The following NCAM2 variants were observed in gnomAD, a reference collection of about 807,000 sequenced individuals.
NCAM2 encodes neural cell adhesion molecule 2, also known as N-CAM-2.
In NCAM2, 30 loss-of-function variants were observed where a neutral mutation model predicts 98.1. That is an observed-to-expected ratio of 0.31 (90% CI 0.23 to 0.41). The LOEUF is 0.41. Ranked by LOEUF, NCAM2 falls within the 10% of genes least tolerant of loss-of-function variation. The pLI is 1.00. For missense variants in NCAM2, 867 were observed against 1,005.8 expected, an observed-to-expected ratio of 0.86 and a Z score of 1.87; for synonymous variants, 368 against 342.4, an observed-to-expected ratio of 1.07 and a Z score of -0.83.
intron 16 of NCAM2, among the ~76,000 whole-genome samples, chr21:21,522,851 G>A (rs1208559887): frequency 6.6e-6 from 1 of 151,756 alleles, no homozygotes; most frequent in Non-Finnish European, 1.5e-5. Context: ...AGGCGTGTCT[G>A]AAACTCCTGA....
intron 1 of NCAM2, among the ~76,000 whole-genome samples, chr21:21,063,192 A>G (rs1039424037): frequency 9.6e-4 from 129 of 134,388 alleles, no homozygotes; most frequent in African/African-American, 3.4e-3. Flanking sequence ...AAGTCATAGC[A>G]CTGTTTATCT....
chr21:21,025,785 C>T (rs1418479786), intron 1 of NCAM2, among the ~76,000 whole-genome samples: 1 of 152,172 alleles, frequency 6.6e-6, no homozygotes, highest in South Asian at 2.1e-4. Flanking sequence ...ACTGGCTATA[C>T]ATACTGGAGC....
chr21:21,530,313 T>C (rs941984743), intron 16 of NCAM2, among the ~76,000 whole-genome samples: 1 of 118,792 alleles, frequency 8.4e-6, no homozygotes, highest in African/African-American at 3.0e-5. Context: ...TTAAATTATA[T>C]ATAATTAAAT....
intron 15 of NCAM2, among the ~76,000 whole-genome samples, chr21:21,492,703 A>C (rs1436757124): frequency 6.6e-6 from 1 of 151,910 alleles, no homozygotes; most frequent in Non-Finnish European, 1.5e-5. Flanking sequence ...TTAAGAATTC[A>C]AAGTAAATAG....
At chr21:21,376,141 T>C (rs1390365054) in intron 9 of NCAM2, among the ~76,000 whole-genome samples, 4 of 151,792 alleles carry the variant, frequency 2.6e-5, no homozygotes, top group African/African-American at 9.7e-5. Context: ...GAAGAGACTG[T>C]TGGGACCTAT....
At position 21,034,517 on chromosome 21, in the gene NCAM2, A is replaced by G. The variant is rs545960364; in HGVS notation, c.55+35899A>G. ...TGTAGTGATTTCCACAGAGGTTTAC[A>G]TCAAGGTGTCTTCCTTCAGTTTGTA... On this transcript the variant is annotated intron_variant, in intron 1 of 17. Coordinates refer to ENST00000400546, the MANE Select transcript of NCAM2 (RefSeq NM_004540.5). Among the ~76,000 whole-genome samples, 106 of 152,314 alleles carry G rather than the reference A, an allele frequency of 7.0e-4. 3 individuals carry two copies. In the South Asian group the frequency reaches 0.021, roughly 31 times the overall value.
chr21:21,414,403 A>C (rs1317891936), intron 10 of NCAM2, among the ~76,000 whole-genome samples: 1 of 151,704 alleles, frequency 6.6e-6, no homozygotes, highest in African/African-American at 2.4e-5. Flanking sequence ...CTTTTCCCAG[A>C]TCCGTCAGAG....
intron 1 of NCAM2, among the ~76,000 whole-genome samples, chr21:21,029,067 T>A (rs781768478): frequency 6.6e-6 from 1 of 152,134 alleles, no homozygotes; most frequent in Non-Finnish European, 1.5e-5. Context: ...ATGAGTAACA[T>A]GTTTTAGTGT....
chr21:21,401,330 G>C (rs567669770), intron 9 of NCAM2, among the ~76,000 whole-genome samples: 1 of 152,228 alleles, frequency 6.6e-6, no homozygotes, highest in Non-Finnish European at 1.5e-5. Context: ...GAGAACATTT[G>C]AAATGTACTG....
At chr21:21,430,270 C>A (rs746766211) in intron 11 of NCAM2, among the ~76,000 whole-genome samples, 1 of 151,680 alleles carries the variant, frequency 6.6e-6, no homozygotes, top group East Asian at 1.9e-4. Context: ...TCAAGTAATC[C>A]GCCCACCTCA....
At chr21:21,196,667 T>C (rs1446170320) in intron 1 of NCAM2, among the ~76,000 whole-genome samples, 1 of 152,228 alleles carries the variant, frequency 6.6e-6, no homozygotes, top group Non-Finnish European at 1.5e-5. Flanking sequence ...GGTGGTGATA[T>C]GGCAGGGGCC....
At chr21:21,453,542 AG>A (rs1240435724) in intron 12 of NCAM2, among the ~76,000 whole-genome samples, 1 of 152,068 alleles carries the variant, frequency 6.6e-6, no homozygotes, top group East Asian at 1.9e-4. Flanking sequence ...TCTAGAAAGG[AG>A]TATAGGAGAG....
chr21:21,512,089 T>C (rs1291074723), intron 16 of NCAM2, among the ~76,000 whole-genome samples: 1 of 151,926 alleles, frequency 6.6e-6, no homozygotes, highest in Admixed American at 6.6e-5. Flanking sequence ...TGTTCAGAAG[T>C]TTTTCAGCTT....
intron 8 of NCAM2, among the ~76,000 whole-genome samples, chr21:21,342,877 C>T (rs1056046664): frequency 6.6e-6 from 1 of 152,098 alleles, no homozygotes; most frequent in Non-Finnish European, 1.5e-5. Context: ...GATGAGGAAA[C>T]TGAGGCTCAG....
At chr21:21,226,222 A>G (rs2070377241) in intron 1 of NCAM2, among the ~76,000 whole-genome samples, 1 of 152,040 alleles carries the variant, frequency 6.6e-6, no homozygotes, top group African/African-American at 2.4e-5. Context: ...CACTACTGGG[A>G]CGACAGGATT....
chr21:21,011,345 A>G (rs1049682452), intron 1 of NCAM2, among the ~76,000 whole-genome samples: 3 of 152,086 alleles, frequency 2.0e-5, no homozygotes, highest in African/African-American at 7.2e-5. Context: ...ACTGATGGAA[A>G]CATAGTCCCT....
intron 1 of NCAM2, among the ~76,000 whole-genome samples, chr21:21,063,624 C>T (rs910483391): frequency 6.6e-6 from 1 of 151,948 alleles, no homozygotes; most frequent in Non-Finnish European, 1.5e-5. Context: ...AAAATCCTTA[C>T]CTTAGTATGT....
At chr21:21,451,317 T>C (rs1266749142) in intron 12 of NCAM2, among the ~76,000 whole-genome samples, 1 of 152,280 alleles carries the variant, frequency 6.6e-6, no homozygotes, top group East Asian at 1.9e-4. Flanking sequence ...AATTAAACCA[T>C]CTAAGCACAT....
At chr21:21,328,633 TATAAA>T (rs141011407) in intron 6 of NCAM2, among the ~76,000 whole-genome samples, 25,818 of 151,656 alleles carry the variant, frequency 0.17, 2,556 homozygotes, top group East Asian at 0.24. Context: ...TATATATCCT[TATAAA>T]ATAAACAATA....
Sources: gnomAD v4.1 joint callset for allele counts (sites outside exome capture counted in the v4.1 genomes callset) on GRCh38, gnomAD v4.1.1 for gene constraint, MANE v1.5 for transcripts, NCBI Gene and HGNC (gene_info 2026-07-23, HGNC 2026-07-21) for gene names.